MICAL2: variants seen among roughly 807,000 people sequenced by gnomAD.
MICAL2 encodes the protein [F-actin]-monooxygenase MICAL2.
Under a neutral mutation model 127.3 loss-of-function variants are expected in MICAL2, and 77 were observed. The observed-to-expected ratio is 0.60, with a 90% CI of 0.50 to 0.73. The LOEUF is 0.73. MICAL2 is among the 30% of genes least tolerant of loss of function. MICAL2 has a pLI of 0.00. For synonymous variants in MICAL2, 570 were observed against 551.1 expected, an observed-to-expected ratio of 1.03 and a Z score of -0.48; for missense variants, 1,351 against 1,434.4, an observed-to-expected ratio of 0.94 and a Z score of 0.94.
intron 2 of MICAL2, among the ~76,000 whole-genome samples, chr11:12,284,140 A>G (rs1863799103): frequency 6.6e-6 from 1 of 152,164 alleles, no homozygotes; most frequent in Admixed American, 6.5e-5. Context: ...AGTGCATTGG[A>G]CTCTTAGCTA....
intron 3 of MICAL2, among the ~76,000 whole-genome samples, chr11:12,183,839 G>A (rs979301785): frequency 6.6e-6 from 1 of 152,060 alleles, no homozygotes; most frequent in African/African-American, 2.4e-5. Flanking sequence ...GTTGTGCAGT[G>A]GCACAAATCA....
At chr11:12,355,334 C>T (rs953315230) in intron 34 of MICAL2, among the ~76,000 whole-genome samples, 10 of 152,260 alleles carry the variant, frequency 6.6e-5, no homozygotes, top group Middle Eastern at 3.4e-3. Flanking sequence ...GTAAAGGAAA[C>T]GTTCCCTCCC....
chr11:12,304,207 T>C (rs1038985459), intron 29 of MICAL2, among the ~76,000 whole-genome samples: 1 of 152,200 alleles, frequency 6.6e-6, no homozygotes, highest in Non-Finnish European at 1.5e-5. Flanking sequence ...TACAGAAGCC[T>C]TATTATTTTT....
At chr11:12,349,317 G>T (rs1939007841) in intron 32 of MICAL2, among the ~76,000 whole-genome samples, 1 of 152,018 alleles carries the variant, frequency 6.6e-6, no homozygotes, top group Non-Finnish European at 1.5e-5. Context: ...TTATTATTTG[G>T]CTTTTCTTTG....
At chr11:12,330,558 G>T (rs868455870) in intron 32 of MICAL2, among the ~76,000 whole-genome samples, 1 of 152,036 alleles carries the variant, frequency 6.6e-6, no homozygotes, top group Non-Finnish European at 1.5e-5. Context: ...AGGAACATGC[G>T]GGGGTGCGGG....
chr11:12,275,851 G>A, upstream of MICAL2: 1 of 397,630 alleles, frequency 2.5e-6, no homozygotes, highest in Non-Finnish European at 4.4e-6. Context: ...TTCCAGAGGT[G>A]GCACGGAGGA....
intron 33 of MICAL2, among the ~76,000 whole-genome samples, chr11:12,352,958 C>T (rs1192707406): frequency 6.6e-6 from 1 of 152,172 alleles, no homozygotes; most frequent in Admixed American, 6.5e-5. Flanking sequence ...GCCCAGTCTG[C>T]ATGACATGGA....
At chr11:12,170,005 T>C (rs1856031969) in intron 3 of MICAL2, among the ~76,000 whole-genome samples, 1 of 152,320 alleles carries the variant, frequency 6.6e-6, no homozygotes, top group African/African-American at 2.4e-5. Context: ...CTAGGTGACC[T>C]TGAATGGGGC....
At chr11:12,357,732 G>A (rs1939150153) in intron 34 of MICAL2, among the ~76,000 whole-genome samples, 1 of 152,178 alleles carries the variant, frequency 6.6e-6, no homozygotes, top group Non-Finnish European at 1.5e-5. Flanking sequence ...CAGCTACTCA[G>A]GAGGCTGAGG....
intron 3 of MICAL2, among the ~76,000 whole-genome samples, chr11:12,167,450 G>A (rs532619625): frequency 3.7e-4 from 57 of 152,192 alleles, no homozygotes; most frequent in African/African-American, 1.2e-3. Context: ...GGGAGGCAGC[G>A]AGGCAGGGTG....
At chr11:12,153,588 C>T (rs182026203) in intron 2 of MICAL2, among the ~76,000 whole-genome samples, 55 of 152,310 alleles carry the variant, frequency 3.6e-4, no homozygotes, top group Non-Finnish European at 6.5e-4. Context: ...CAGGCACGTG[C>T]CACCACACCC....
intron 3 of MICAL2, among the ~76,000 whole-genome samples, chr11:12,182,843 C>T (rs1007533242): frequency 2.6e-5 from 4 of 152,106 alleles, no homozygotes; most frequent in Non-Finnish European, 5.9e-5. Context: ...ATGTGTAGGC[C>T]GATCCTCTGC....
intron 32 of MICAL2, among the ~76,000 whole-genome samples, chr11:12,337,000 A>G (rs1303675225): frequency 1.3e-5 from 2 of 152,024 alleles, no homozygotes; most frequent in African/African-American, 2.4e-5. Flanking sequence ...TTCTTTTTCT[A>G]TTGATTGGAA....
intron 3 of MICAL2, among the ~76,000 whole-genome samples, chr11:12,184,552 G>C (rs1857915232): frequency 6.6e-6 from 1 of 152,212 alleles, no homozygotes; most frequent in African/African-American, 2.4e-5. Context: ...CTGACATTAA[G>C]GTTTGTGATG....
At chr11:12,277,008 C>T (rs1863728515) in intron 1 of MICAL2, among the ~76,000 whole-genome samples, 1 of 151,988 alleles carries the variant, frequency 6.6e-6, no homozygotes, top group Non-Finnish European at 1.5e-5. Context: ...CAAACCAGCC[C>T]CAAAGCGAGT....
intron 30 of MICAL2, among the ~76,000 whole-genome samples, chr11:12,321,191 G>C (rs1298218329): frequency 1.3e-5 from 2 of 152,174 alleles, no homozygotes; most frequent in Non-Finnish European, 2.9e-5. Flanking sequence ...AGCTTGCCAG[G>C]TGGTAAAGCA....
chr11:12,162,305 T>C lies in MICAL2; in HGVS notation c.150T>C (p.Tyr50=). 6.2e-7 allele frequency: 1 copy of C among 1,614,232 alleles called. No individual in the cohort carries two copies. Among genetic ancestry groups the C allele is most frequent in the South Asian group, 1.1e-5 (1 of 91,080 alleles). ...DLDPLDHRNF[Y]SKLKSKVTTW... is the part of the protein sequence containing the mutation. ...ACCCTCTGGACCACAGAAACTTTTA[T>C]TCCAAGCTCAAGTCCAAGGTGACCA... Residue 50 remains tyrosine, a synonymous_variant, in exon 3 of 28, where the codon TAT becomes TAC. Transcript: ENST00000683283.
chr11:12,320,061 T>C (rs569480809), intron 30 of MICAL2, among the ~76,000 whole-genome samples: 7 of 152,196 alleles, frequency 4.6e-5, no homozygotes, highest in African/African-American at 1.7e-4. Flanking sequence ...CTTGAAACCA[T>C]TTGGTGATGG....
At chr11:12,177,786 T>C (rs1856996822) in intron 3 of MICAL2, among the ~76,000 whole-genome samples, 1 of 152,264 alleles carries the variant, frequency 6.6e-6, no homozygotes, top group Non-Finnish European at 1.5e-5. Context: ...CTCCAACTCC[T>C]TTTGTTTCTG....
Sources: gnomAD v4.1 joint callset for allele counts (sites outside exome capture counted in the v4.1 genomes callset) on GRCh38, gnomAD v4.1.1 for gene constraint, MANE v1.5 for transcripts, NCBI Gene and HGNC (gene_info 2026-07-23, HGNC 2026-07-21) for gene names.